JAZF1: variants seen among roughly 807,000 people sequenced by gnomAD.
JAZF1 encodes the protein JAZF zinc finger 1.
In JAZF1, 8 loss-of-function variants were observed where a neutral mutation model predicts 26.4. That is an observed-to-expected ratio of 0.30 (90% CI 0.18 to 0.55). The LOEUF is 0.55. Among genes scored for constraint, JAZF1 ranks in the 20% least tolerant of loss-of-function variants. The probability of loss-of-function intolerance (pLI) is 0.94; values close to 1 mark genes in which losing one functional copy is unlikely to be tolerated. For synonymous variants in JAZF1, 126 were observed against 122.3 expected, an observed-to-expected ratio of 1.03 and a Z score of -0.20; for missense variants, 199 against 322.0, an observed-to-expected ratio of 0.62 and a Z score of 2.92.
chr7:28,078,531 G>T (rs1451599328), intron 1 of JAZF1, among the ~76,000 whole-genome samples: 5 of 152,218 alleles, frequency 3.3e-5, no homozygotes, highest in Non-Finnish European at 7.3e-5. Flanking sequence ...TTTGTGAACT[G>T]AAGATTGTAT....
intron 1 of JAZF1, among the ~76,000 whole-genome samples, chr7:28,131,019 TG>T (rs780936358): frequency 2.6e-5 from 4 of 152,206 alleles, no homozygotes; most frequent in Non-Finnish European, 5.9e-5. Flanking sequence ...TGAGAATTAT[TG>T]GGCATGGTCC....
intron 3 of JAZF1, among the ~76,000 whole-genome samples, chr7:27,885,229 T>C (rs1783837581): frequency 6.6e-6 from 1 of 152,234 alleles, no homozygotes; most frequent in Non-Finnish European, 1.5e-5. Flanking sequence ...ACTGTGATGA[T>C]GGCTGGGCCT....
At chr7:28,147,942 C>T (rs1237000256) in intron 1 of JAZF1, among the ~76,000 whole-genome samples, 2 of 152,042 alleles carry the variant, frequency 1.3e-5, no homozygotes, top group Admixed American at 1.3e-4. Context: ...AAAGAAATCA[C>T]TCTTAACATA....
intron 2 of JAZF1, among the ~76,000 whole-genome samples, chr7:27,956,833 T>C (rs1187796297): frequency 6.6e-6 from 1 of 152,224 alleles, no homozygotes; most frequent in African/African-American, 2.4e-5. Flanking sequence ...TTCAAATTGT[T>C]AATTCAACCA....
At chr7:28,143,104 C>T (rs1041530978) in intron 1 of JAZF1, among the ~76,000 whole-genome samples, 3 of 152,092 alleles carry the variant, frequency 2.0e-5, no homozygotes, top group Non-Finnish European at 2.9e-5. Flanking sequence ...TAGGTCCAAC[C>T]CTCTGGGTCT....
At chr7:28,154,188 T>G (rs573501763) in intron 1 of JAZF1, among the ~76,000 whole-genome samples, 14 of 152,298 alleles carry the variant, frequency 9.2e-5, no homozygotes, top group African/African-American at 3.4e-4. Flanking sequence ...TAAGAAAGAA[T>G]CTGCAAAGCG....
intron 1 of JAZF1, among the ~76,000 whole-genome samples, chr7:28,033,154 T>C (rs1783221929): frequency 6.6e-6 from 1 of 152,130 alleles, no homozygotes; most frequent in Non-Finnish European, 1.5e-5. Flanking sequence ...GCAAAGTGCC[T>C]GGTACTTAGT....
intron 1 of JAZF1, among the ~76,000 whole-genome samples, chr7:28,174,379 C>T (rs1783517565): frequency 6.6e-6 from 1 of 152,330 alleles, no homozygotes; most frequent in African/African-American, 2.4e-5. Flanking sequence ...CCCAGGGAAG[C>T]CCCTCATCAA....
chr7:28,018,883 A>G (rs943085322), intron 1 of JAZF1, among the ~76,000 whole-genome samples: 3 of 152,100 alleles, frequency 2.0e-5, no homozygotes, highest in African/African-American at 7.2e-5. Flanking sequence ...GAAATCTAAA[A>G]TTTTCGTGGT....
chr7:27,988,918 T>C lies in JAZF1; in HGVS notation c.188+2991A>G, dbSNP rs1457563190. On this transcript the variant is annotated intron_variant, in intron 2 of 4. Coordinates refer to ENST00000283928, the MANE Select transcript of JAZF1 (RefSeq NM_175061.4). ...AATTTTTTAAATTAAAAAGAATCTC[T>C]GTAAAAAAAAAAAAAAAAAAAAAAA... Among the ~76,000 whole-genome samples, 35 of 66,040 alleles carry C rather than the reference T, an allele frequency of 5.3e-4. No individual in the cohort carries two copies. The South Asian group carries it at 0.016, about 30-fold the overall frequency. 43.3% of individuals were successfully genotyped at this position (66,040 alleles called of 152,430 possible). A position where few individuals can be genotyped will look rare whatever the true frequency, so the allele number is the denominator to read the frequency against.
chr7:28,170,332 TTGATATGTGTGTGTGTG>T (rs1562611152), intron 1 of JAZF1, among the ~76,000 whole-genome samples: 5 of 143,716 alleles, frequency 3.5e-5, no homozygotes, highest in East Asian at 2.0e-4. Flanking sequence ...AAAAGAGAAG[TTGATATGTGTGTGTGTG>T]TGTGTGTGTG....
intron 2 of JAZF1, among the ~76,000 whole-genome samples, chr7:27,911,449 G>C (rs1431248551): frequency 1.3e-5 from 2 of 152,130 alleles, no homozygotes; most frequent in African/African-American, 4.8e-5. Flanking sequence ...CCATAGGAAA[G>C]TTACAAAATG....
chr7:27,929,316 G>C (rs910416068), intron 2 of JAZF1, among the ~76,000 whole-genome samples: 1 of 152,204 alleles, frequency 6.6e-6, no homozygotes, highest in Non-Finnish European at 1.5e-5. Context: ...GTGGCCAGCA[G>C]GGGGAGGGAG....
At chr7:28,002,355 G>A (rs1782614834) in intron 1 of JAZF1, among the ~76,000 whole-genome samples, 1 of 152,132 alleles carries the variant, frequency 6.6e-6, no homozygotes, top group Admixed American at 6.6e-5. Context: ...ATAAAAATTG[G>A]CCCTGAGTTC....
chr7:28,111,255 C>T (rs1784657614), intron 1 of JAZF1, among the ~76,000 whole-genome samples: 1 of 152,238 alleles, frequency 6.6e-6, no homozygotes, highest in Non-Finnish European at 1.5e-5. Flanking sequence ...GGCTTGCCTG[C>T]ATCCTTGCCA....
At chr7:27,952,494 C>T (rs1269630214) in intron 2 of JAZF1, among the ~76,000 whole-genome samples, 1 of 152,264 alleles carries the variant, frequency 6.6e-6, no homozygotes, top group Non-Finnish European at 1.5e-5. Flanking sequence ...TTGTAATCCA[C>T]CAATTCTCTC....
chr7:27,883,261 A>G (rs73083387), intron 3 of JAZF1, among the ~76,000 whole-genome samples: 9,034 of 152,296 alleles, frequency 0.059, 378 homozygotes, highest in Middle Eastern at 0.085. Context: ...GACAAAGAAA[A>G]AGCAGCTAGG....
At chr7:28,095,983 C>T (rs574097658) in intron 1 of JAZF1, among the ~76,000 whole-genome samples, 16 of 152,298 alleles carry the variant, frequency 1.1e-4, no homozygotes, top group African/African-American at 3.4e-4. Context: ...GGGCCCCAAC[C>T]GTATGACTCA....
chr7:28,032,508 G>A (rs1341463558), intron 1 of JAZF1, among the ~76,000 whole-genome samples: 2 of 152,154 alleles, frequency 1.3e-5, no homozygotes, highest in African/African-American at 2.4e-5. Flanking sequence ...TTTGTAAACA[G>A]TATGTTTCAC....
Sources: allele counts gnomAD v4.1 joint callset (sites outside exome capture counted in the v4.1 genomes callset), GRCh38; gene constraint gnomAD v4.1.1; transcripts MANE v1.5; gene names NCBI Gene and HGNC (gene_info 2026-07-23, HGNC 2026-07-21).